Variants in HAVCR2 observed in about 807,000 individuals in gnomAD.
HAVCR2 encodes T cell immunoglobulin mucin 3.
In HAVCR2, 13 loss-of-function variants were observed where a neutral mutation model predicts 24.7. That is an observed-to-expected ratio of 0.53 (90% CI 0.34 to 0.84). The LOEUF is 0.84. Among genes scored for constraint, HAVCR2 ranks in the 40% least tolerant of loss-of-function variants. The probability of loss-of-function intolerance (pLI) is 0.01; values close to 1 mark genes in which losing one functional copy is unlikely to be tolerated. For missense variants in HAVCR2, 343 were observed against 371.2 expected, an observed-to-expected ratio of 0.92 and a Z score of 0.62; for synonymous variants, 154 against 143.4, an observed-to-expected ratio of 1.07 and a Z score of -0.53.
chr5:157,106,134 CT>C (rs1399718928), intron 2 of HAVCR2: 1,902 of 141,214 alleles, frequency 0.013, 40 homozygotes, highest in African/African-American at 0.047. Context: ...CTTTTCTTTT[CT>C]TTTTTTTTTT....
rs1757257923 is a variant in HAVCR2, at chr5:157,106,765, C to G, written c.256G>C (p.Gly86Arg). Reference sequence around the variant, plus strand: ...GACACATCTCCTTTGCGGAAATCCCCATTTAGCCAGTATCTGGATGTCCAA... The same window carrying G: ...GACACATCTCCTTTGCGGAAATCCCGATTTAGCCAGTATCTGGATGTCCAA... ...NYWTSRYWLN[G>R]DFRKGDVSLT... The change falls in exon 2 of 7, where the codon GGG becomes CGG. Residue 86 changes from glycine to arginine, a missense_variant. Gly to Arg is a moderately radical substitution (Grantham distance 125, BLOSUM62 -2). Coordinates refer to ENST00000307851, the MANE Select transcript of HAVCR2 (RefSeq NM_032782.5). 6.2e-7 allele frequency: 1 copy of G among 1,614,058 alleles called. No homozygotes were observed.
rs1757282680 is a variant in HAVCR2, at chr5:157,108,417, G to C, written c.58+509C>G. On this transcript the variant is annotated intron_variant, in intron 1 of 6. Coordinates refer to ENST00000307851, the MANE Select transcript of HAVCR2 (RefSeq NM_032782.5). ...GAGAATCACTTGAACCTGGGAGGCG[G>C]AGATTGCAGTGAGCCAAAATGGTGC... Among the ~76,000 whole-genome samples, 4 of 151,884 alleles carry C rather than the reference G, an allele frequency of 2.6e-5. No homozygotes were observed. The South Asian group carries it at 8.3e-4, about 32-fold the overall frequency.
intron 5 of HAVCR2, among the ~76,000 whole-genome samples, chr5:157,094,537 C>T (rs527633461): frequency 6.6e-6 from 1 of 152,044 alleles, no homozygotes; most frequent in South Asian, 2.1e-4. Flanking sequence ...GCATGCGCCA[C>T]CACACCCGGC....
intron 3 of HAVCR2, among the ~76,000 whole-genome samples, chr5:157,101,592 A>G (rs1561622600): frequency 6.6e-6 from 1 of 152,296 alleles, no homozygotes; most frequent in Non-Finnish European, 1.5e-5. Flanking sequence ...TGAGAGAGCC[A>G]CTTTGCCCAA....
rs200462505 is a variant in HAVCR2, at chr5:157,087,153, G to T, written c.855C>A (p.Ser285Arg). ...EEPNEYYCYVSSRQQPSQPLG... is the reference protein window; with the variant it reads ...EEPNEYYCYVRSRQQPSQPLG... ...AAGGTTGTGAGGGTTGCTGCCTGCT[G>T]CTGACATAGCAATAATACTCATTGG... is the stretch of plus-strand genomic sequence containing the variant. Residue 285 changes from serine (S) to arginine (R), a missense_variant, in exon 7 of 7, where the codon AGC becomes AGA. Transcript: ENST00000307851. The T allele has an allele frequency of 6.2e-7, 1 of 1,614,068 alleles. No individual in the cohort carries two copies. Among genetic ancestry groups the T allele is most frequent in the East Asian group, 2.2e-5 (1 of 44,870 alleles).
rs1339664935 is a variant in HAVCR2 at position 157,095,409 on chromosome 5, GTCATTGGCCAATCTAGAGTCCCGTAAC to G, written c.546_572del (p.Glu182_Asn190del). On this transcript the variant is annotated inframe_deletion, in exon 5 of 7. Transcript: ENST00000307851. ...TGATGGTTGCTCCAGAGTCCCGTAA[GTCATTGGCCAATCTAGAGTCCCGTAAC>G]TCATTGGCCAATGTGGATATTTGCT... 61 of 1,614,010 alleles carry G rather than the reference GTCATTGGCCAATCTAGAGTCCCGTAAC, an allele frequency of 3.8e-5. No homozygotes were observed. Among genetic ancestry groups the G allele is most frequent in the Non-Finnish European group, 4.8e-5 (57 of 1,180,006 alleles).
chr5:157,105,681 G>C (rs967990357), intron 2 of HAVCR2, among the ~76,000 whole-genome samples: 1 of 152,144 alleles, frequency 6.6e-6, no homozygotes, highest in Non-Finnish European at 1.5e-5. Flanking sequence ...TGTAAACTCA[G>C]CTCTATCTGG....
rs142276820 is a variant in HAVCR2, at chr5:157,106,562, A to C, written c.394+65T>G. 1.1e-3 allele frequency: 1,462 copies of C among 1,370,894 alleles called. 12 individuals carry two copies. In the African/African-American group the frequency reaches 0.019, roughly 18 times the overall value. 84.9% of individuals were successfully genotyped at this position (1,370,894 alleles called of 1,614,324 possible). The stretch of plus-strand genomic sequence containing the variant: ...AGGGAAGTCAGAGATGAGAACAATC[A>C]GTACCTTTAATATGATCCACAGATA... On this transcript the variant is annotated intron_variant, in intron 2 of 6. Coordinates refer to ENST00000307851, the MANE Select transcript of HAVCR2 (RefSeq NM_032782.5).
chr5:157,095,756 T>G (rs1026803470), intron 4 of HAVCR2, among the ~76,000 whole-genome samples: 1 of 150,286 alleles, frequency 6.7e-6, no homozygotes, highest in African/African-American at 2.4e-5. Flanking sequence ...ACCCTTTCCC[T>G]GCCCCTGCAA....
intron 2 of HAVCR2, among the ~76,000 whole-genome samples, chr5:157,105,334 G>T (rs1460290772): frequency 6.6e-6 from 1 of 152,082 alleles, no homozygotes; most frequent in African/African-American, 2.4e-5. Context: ...AAAGTGCTGG[G>T]ATTATAGGCA....
intron 6 of HAVCR2, among the ~76,000 whole-genome samples, chr5:157,088,287 G>C (rs188396484): frequency 6.6e-6 from 1 of 152,312 alleles, no homozygotes; most frequent in Admixed American, 6.5e-5. Context: ...AATCTAGTAA[G>C]TTATGTAAGC....
At chr5:157,087,833 G>A (rs1052318019) in intron 6 of HAVCR2, among the ~76,000 whole-genome samples, 1 of 150,586 alleles carries the variant, frequency 6.6e-6, no homozygotes, top group Non-Finnish European at 1.5e-5. Flanking sequence ...AACCCGAGAA[G>A]CAGAGGTTAT....
chr5:157,089,391 C>T (rs1029654104), intron 5 of HAVCR2, among the ~76,000 whole-genome samples: 4 of 152,078 alleles, frequency 2.6e-5, no homozygotes, highest in Non-Finnish European at 5.9e-5. Flanking sequence ...ACAAAATTAG[C>T]TGGATGTGGT....
rs13179746 is a variant in HAVCR2, at chr5:157,089,499, G to A, written c.677-522C>T. On this transcript the variant is annotated intron_variant, in intron 5 of 6. Transcript: ENST00000307851. ...TGCGGTGAGCCAAGATTGCGCCATT[G>A]CACTCCAGCCTGGGCAACGAGAGCG... 4.5e-3 allele frequency among the ~76,000 whole-genome samples: 679 copies of A among 150,422 alleles called. 1 individual carries two copies. The highest frequency in any genetic ancestry group is 7.1e-3 in the Non-Finnish European group (481 of 67,798).
In HAVCR2 at chr5:157,109,018, G is replaced by GAC; in HGVS notation, c.-36_-35insGT. On this transcript the variant is annotated 5_prime_UTR_variant, in exon 1 of 7. Coordinates refer to ENST00000307851, the MANE Select transcript of HAVCR2 (RefSeq NM_032782.5). The stretch of plus-strand genomic sequence containing the variant: ...AGAAGAAAAGTCAGAGGACACCTCT[G>GAC]TTAGGCACAGTTTTAACTCTCCAAA... 1 of 1,597,550 alleles carries GAC rather than the reference G, an allele frequency of 6.3e-7. No individual in the cohort carries two copies. The highest frequency in any genetic ancestry group is 8.6e-7 in the Non-Finnish European group (1 of 1,165,076).
chr5:157,106,379 C>T, intron 2 of HAVCR2: 1 of 481,518 alleles, frequency 2.1e-6, no homozygotes, highest in South Asian at 2.6e-5. Context: ...ATCCACCGGC[C>T]TCAGCCTCCC....
At chr5:157,094,191 G>A (rs1757058446) in intron 5 of HAVCR2, among the ~76,000 whole-genome samples, 1 of 150,690 alleles carries the variant, frequency 6.6e-6, no homozygotes, top group South Asian at 2.1e-4. Flanking sequence ...GTGCCACCAT[G>A]CCCAGCTCAT....
chr5:157,094,968 G>C (rs1321251474), intron 5 of HAVCR2, among the ~76,000 whole-genome samples: 1 of 152,166 alleles, frequency 6.6e-6, no homozygotes, highest in East Asian at 1.9e-4. Flanking sequence ...GCCTGGATTT[G>C]ATTTCCGGTT....
chr5:157,106,854 C>A lies in HAVCR2; in HGVS notation c.167G>T (p.Gly56Val), dbSNP rs745654124. ...GCCACATTCAAACACAGGACAGGCTCCTTTGCCCCAGCAGACGGGCACGAG... is the reference window on the plus strand; with the variant it reads ...GCCACATTCAAACACAGGACAGGCTACTTTGCCCCAGCAGACGGGCACGAG... ...GNLVPVCWGK[G>V]ACPVFECGNV... The change falls in exon 2 of 7, where the codon GGA (glycine) becomes GTA (valine). Residue 56 changes from glycine (G) to valine (V), a missense_variant. Coordinates refer to ENST00000307851, the MANE Select transcript of HAVCR2 (RefSeq NM_032782.5). The A allele has an allele frequency of 7.4e-6, 12 of 1,614,194 alleles. No homozygotes were observed. In the East Asian group the frequency reaches 1.1e-4, roughly 15 times the overall value.
Sources: allele counts gnomAD v4.1 joint callset (sites outside exome capture counted in the v4.1 genomes callset), GRCh38; gene constraint gnomAD v4.1.1; transcripts MANE v1.5; gene names NCBI Gene and HGNC (gene_info 2026-07-23, HGNC 2026-07-21).